The following PRKCB variants were observed in gnomAD, a reference collection of about 807,000 sequenced individuals.
PRKCB encodes the protein protein kinase C beta type.
In PRKCB, 13 loss-of-function variants were observed where a neutral mutation model predicts 81.5. That is an observed-to-expected ratio of 0.16 (90% CI 0.10 to 0.25). PRKCB has a LOEUF of 0.25. Among genes scored for constraint, PRKCB ranks in the 10% least tolerant of loss-of-function variants. The probability of loss-of-function intolerance (pLI) is 1.00; values close to 1 mark genes in which losing one functional copy is unlikely to be tolerated. For synonymous variants in PRKCB, 335 were observed against 321.4 expected, an observed-to-expected ratio of 1.04 and a Z score of -0.45; for missense variants, 509 against 875.7, an observed-to-expected ratio of 0.58 and a Z score of 5.29.
chr16:24,021,079 C>CTT (rs1360102764), intron 3 of PRKCB, among the ~76,000 whole-genome samples: 1 of 130,368 alleles, frequency 7.7e-6, no homozygotes. Flanking sequence ...TCCCTTCTTT[C>CTT]TTTCTTTCTT....
At chr16:24,164,617 A>G (rs917306717) in intron 10 of PRKCB, among the ~76,000 whole-genome samples, 1 of 152,192 alleles carries the variant, frequency 6.6e-6, no homozygotes, top group Admixed American at 6.5e-5. Context: ...TCCTGTAGCC[A>G]GCTGGAGCTG....
rs766800125 is a variant in PRKCB at position 24,218,136 on chromosome 16, G to T, written c.*3320G>T. 53 of 985,108 alleles carry T rather than the reference G, an allele frequency of 5.4e-5. 1 individual carries two copies. Among genetic ancestry groups the T allele is most frequent in the African/African-American group, 8.8e-5 (5 of 57,142 alleles). 61.0% of individuals were successfully genotyped at this position (985,108 alleles called of 1,614,324 possible). A position where few individuals can be genotyped will look rare whatever the true frequency, so the allele number is the denominator to read the frequency against. On this transcript the variant is annotated 3_prime_UTR_variant, in exon 17 of 17. Transcript: ENST00000643927. ...GACCCTGTTTATTGTTTCTCTCCAAGAAATTCTCCAAGAATATTGTTTCTT... is the reference window on the plus strand; with the variant it reads ...GACCCTGTTTATTGTTTCTCTCCAATAAATTCTCCAAGAATATTGTTTCTT...
chr16:24,192,597 A>T (rs530941280), intron 16 of PRKCB, among the ~76,000 whole-genome samples: 5 of 152,194 alleles, frequency 3.3e-5, no homozygotes, highest in Non-Finnish European at 7.3e-5. Flanking sequence ...TCTCTTGGCC[A>T]GATGCACACG....
At chr16:23,886,284 T>C (rs1359193779) in intron 2 of PRKCB, among the ~76,000 whole-genome samples, 3 of 152,162 alleles carry the variant, frequency 2.0e-5, no homozygotes, top group Non-Finnish European at 4.4e-5. Flanking sequence ...TTCTCCTTGA[T>C]TCTTTTACTC....
chr16:24,147,995 C>G (rs1967020603), intron 9 of PRKCB, among the ~76,000 whole-genome samples: 1 of 152,140 alleles, frequency 6.6e-6, no homozygotes, highest in Admixed American at 6.5e-5. Context: ...AGCCACCCTA[C>G]TTGGTGGCTG....
At position 24,216,247 on chromosome 16, in the gene PRKCB, A is replaced by G. The variant is rs1170603397; in HGVS notation, c.*1431A>G. Reference sequence around the variant, plus strand: ...ACGAGGATACTGGAGCCCAAAGTCAAGTTTAGAGACCAGCTGGGAACGTGA... The same window carrying G: ...ACGAGGATACTGGAGCCCAAAGTCAGGTTTAGAGACCAGCTGGGAACGTGA... On this transcript the variant is annotated 3_prime_UTR_variant, in exon 17 of 17. Transcript: ENST00000643927. 2.0e-6 allele frequency: 2 copies of G among 985,322 alleles called. No individual in the cohort carries two copies. The highest frequency in any genetic ancestry group is 2.4e-6 in the Non-Finnish European group (2 of 829,948). The allele number at this position is 985,322 out of a possible 1,614,324, so 61.0% of individuals were successfully genotyped here.
chr16:24,195,936 C>G (rs1278963634), intron 16 of PRKCB, among the ~76,000 whole-genome samples: 1 of 152,168 alleles, frequency 6.6e-6, no homozygotes, highest in African/African-American at 2.4e-5. Context: ...AGCCATGCAC[C>G]TGGGATGCCC....
chr16:24,012,533 A>G (rs1965217590), intron 3 of PRKCB, among the ~76,000 whole-genome samples: 1 of 152,118 alleles, frequency 6.6e-6, no homozygotes. Context: ...TACCCTTTCC[A>G]CACCTTTCTA....
rs145784688 is a variant in PRKCB at position 23,891,098 on chromosome 16, G to A, written c.205+53692G>A. ...TCTTGCTAGACTGGAGTGCAGTGGA[G>A]TGATCATGGCTCACTGCAGCCTCGA... On this transcript the variant is annotated intron_variant, in intron 2 of 16. Coordinates refer to ENST00000643927, the MANE Select transcript of PRKCB (RefSeq NM_002738.7). Among the ~76,000 whole-genome samples the A allele has an allele frequency of 4.2e-3, 635 of 152,030 alleles. 2 individuals are homozygous for A. Among genetic ancestry groups the A allele is most frequent in the Non-Finnish European group, 5.7e-3 (388 of 67,982 alleles).
At chr16:24,106,941 G>A (rs1257532438) in intron 7 of PRKCB, among the ~76,000 whole-genome samples, 6 of 151,980 alleles carry the variant, frequency 3.9e-5, no homozygotes, top group Non-Finnish European at 5.9e-5. Context: ...TCCTTTTCAT[G>A]TTGTAAATTA....
chr16:24,176,418 AAAG>A (rs1567402646), intron 12 of PRKCB, among the ~76,000 whole-genome samples: 1 of 152,202 alleles, frequency 6.6e-6, no homozygotes, highest in African/African-American at 2.4e-5. Context: ...GTCTCTAAAA[AAAG>A]AAGAATTTAA....
intron 7 of PRKCB, 33 bp downstream of exon 7, chr16:24,094,330 C>T: frequency 6.2e-7 from 1 of 1,603,958 alleles, no homozygotes. Flanking sequence ...AGCTACCATA[C>T]AGCTTGCTCC....
At chr16:24,194,620 C>T (rs1259508796) in intron 16 of PRKCB, among the ~76,000 whole-genome samples, 2 of 151,974 alleles carry the variant, frequency 1.3e-5, no homozygotes, top group Non-Finnish European at 2.9e-5. Flanking sequence ...TATAAGAGGT[C>T]TAGCCTCGTG....
At chr16:24,012,670 C>T (rs991165172) in intron 3 of PRKCB, among the ~76,000 whole-genome samples, 2 of 152,258 alleles carry the variant, frequency 1.3e-5, no homozygotes, top group Non-Finnish European at 2.9e-5. Flanking sequence ...CCTCCTCTGC[C>T]AAGCTTGCCT....
In PRKCB at chr16:24,021,040, C is replaced by CTTTATT. The variant is rs1256784385; in HGVS notation, c.289-11095_289-11094insTTATTT. Among the ~76,000 whole-genome samples the CTTTATT allele has an allele frequency of 1.4e-3, 104 of 72,400 alleles. 1 individual carries two copies. Among genetic ancestry groups the CTTTATT allele is most frequent in the African/African-American group, 4.4e-3 (99 of 22,398 alleles). The allele number at this position is 72,400 out of a possible 152,430, so 47.5% of individuals were successfully genotyped here. The stretch of plus-strand genomic sequence containing the variant: ...TCTTTCTTTCTTTCTTTCTTTCTTT[C>CTTTATT]TCTTTCTTTCTTTCTTTCCCTCCCT... On this transcript the variant is annotated intron_variant, in intron 3 of 16. Transcript: ENST00000643927.
intron 2 of PRKCB, among the ~76,000 whole-genome samples, chr16:23,963,547 T>G (rs1964451957): frequency 6.6e-6 from 1 of 152,226 alleles, no homozygotes; most frequent in South Asian, 2.1e-4. Context: ...ATGTTTCCCT[T>G]GCTGCACATT....
chr16:24,181,010 T>C, intron 13 of PRKCB, 82 bp downstream of exon 13: 2 of 1,550,926 alleles, frequency 1.3e-6, no homozygotes, highest in Non-Finnish European at 8.8e-7. Context: ...TGGGAAGGGT[T>C]GAGGGTGGTA....
intron 3 of PRKCB, among the ~76,000 whole-genome samples, chr16:23,993,016 A>G (rs1375362755): frequency 6.6e-6 from 1 of 152,046 alleles, no homozygotes; most frequent in East Asian, 1.9e-4. Context: ...GCCCTAAGAA[A>G]CAGTAATGGC....
intron 2 of PRKCB, among the ~76,000 whole-genome samples, chr16:23,850,892 A>T (rs9806836): frequency 0.58 from 88,115 of 152,016 alleles, 25,599 homozygotes; most frequent in South Asian, 0.62. Context: ...CATTTTTTCA[A>T]GTACCTATTG....
Sources: gnomAD v4.1 joint callset for allele counts (sites outside exome capture counted in the v4.1 genomes callset) on GRCh38, gnomAD v4.1.1 for gene constraint, MANE v1.5 for transcripts, NCBI Gene and HGNC (gene_info 2026-07-23, HGNC 2026-07-21) for gene names.